Variants in RUFY4 observed in about 807,000 individuals in gnomAD.
The protein encoded by RUFY4 is RUN and FYVE domain containing 4.
In RUFY4, 73 loss-of-function variants were observed where a neutral mutation model predicts 69.0. The ratio of observed to expected loss-of-function variants is 1.06; its 90% confidence interval spans 0.88 to 1.29. The LOEUF is 1.29. RUFY4 is among the 50% of genes most tolerant of loss of function. RUFY4 has a pLI of 0.00. For missense variants in RUFY4, 770 were observed against 705.6 expected, an observed-to-expected ratio of 1.09 and a Z score of -1.03; for synonymous variants, 287 against 271.8, an observed-to-expected ratio of 1.06 and a Z score of -0.55.
chr2:218,052,199 CT>C (rs1486978547), intron 2 of RUFY4, among the ~76,000 whole-genome samples: 2 of 152,074 alleles, frequency 1.3e-5, no homozygotes, highest in Non-Finnish European at 2.9e-5. Context: ...GTAGCTTTTT[CT>C]TTTTTTATTT....
exon 1 of RUFY4, chr2:218,070,610 C>A: frequency 1.3e-6 from 2 of 1,537,534 alleles, no homozygotes; most frequent in Non-Finnish European, 1.7e-6. Context: ...GTACCCATGG[C>A]AGAAGAGGGA....
At chr2:218,043,232 A>G (rs528867936) in intron 2 of RUFY4, among the ~76,000 whole-genome samples, 1 of 152,080 alleles carries the variant, frequency 6.6e-6, no homozygotes, top group Non-Finnish European at 1.5e-5. Context: ...GTGAGTGTTC[A>G]GCTCTCAGGA....
At chr2:218,063,351 A>G (rs1559427769) in intron 3 of RUFY4, among the ~76,000 whole-genome samples, 1 of 152,200 alleles carries the variant, frequency 6.6e-6, no homozygotes, top group Non-Finnish European at 1.5e-5. Flanking sequence ...CAGGCTGGGC[A>G]CAGTCAGAAA....
intron 6 of RUFY4, among the ~76,000 whole-genome samples, chr2:218,074,584 A>G (rs989096156): frequency 1.3e-5 from 2 of 152,232 alleles, no homozygotes; most frequent in Admixed American, 1.3e-4. Context: ...GCATTGCAAT[A>G]TACAATTTCA....
intron 2 of RUFY4, among the ~76,000 whole-genome samples, chr2:218,054,645 T>A (rs1400667669): frequency 1.3e-5 from 2 of 151,540 alleles, no homozygotes; most frequent in African/African-American, 4.9e-5. Context: ...AAACTGCTAA[T>A]CAAAATCAAG....
chr2:218,081,638 T>C (rs1336684103), intron 8 of RUFY4, among the ~76,000 whole-genome samples: 1 of 152,152 alleles, frequency 6.6e-6, no homozygotes, highest in Non-Finnish European at 1.5e-5. Context: ...GGTGATCACA[T>C]TAAGGGCCCA....
At chr2:218,077,186 G>A (rs982043210) in intron 8 of RUFY4, among the ~76,000 whole-genome samples, 1 of 152,160 alleles carries the variant, frequency 6.6e-6, no homozygotes, top group Non-Finnish European at 1.5e-5. Context: ...GAACCAGTGG[G>A]CTCAGACGCC....
At chr2:218,072,646 C>T (rs1689516395) in intron 3 of RUFY4, 133 bp from the exon 6 acceptor site, 3 of 1,326,316 alleles carry the variant, frequency 2.3e-6, no homozygotes, top group Non-Finnish European at 3.0e-6. Context: ...CTCCAGACAC[C>T]CTTTTCCTCC....
chr2:218,082,716 T>C (rs1437765152), intron 8 of RUFY4, among the ~76,000 whole-genome samples: 3 of 150,964 alleles, frequency 2.0e-5, no homozygotes, highest in Admixed American at 6.6e-5. Flanking sequence ...TTATATGTTG[T>C]GTTGTTTGTG....
intron 8 of RUFY4, among the ~76,000 whole-genome samples, chr2:218,077,239 G>A (rs561574122): frequency 6.6e-5 from 8 of 121,458 alleles, no homozygotes; most frequent in South Asian, 2.5e-4. Flanking sequence ...CAGTCTCTCC[G>A]TTTCTCCTGC....
At chr2:218,075,986 T>C (rs1304702772) in intron 7 of RUFY4, among the ~76,000 whole-genome samples, 3 of 152,166 alleles carry the variant, frequency 2.0e-5, no homozygotes, top group Admixed American at 6.5e-5. Flanking sequence ...CCAGCCCCAG[T>C]AGGCTTTGGA....
Position 218,089,989 on chromosome 2 carries a change from G to T in RUFY4, c.1651G>T (p.Asp551Tyr), listed in dbSNP as rs553489546. The T allele has an allele frequency of 5.1e-6, 8 of 1,569,286 alleles. No homozygotes were observed. The Admixed American group carries it at 7.5e-5, about 15-fold the overall frequency. The change falls in exon 11 of 11, where the codon GAT becomes TAT. Residue 551 changes from aspartate (D) to tyrosine (Y), a missense_variant. Transcript: ENST00000344321. ...CCTGCTCTGCCATGCTTGCTCCATGGATTACAAGAAGAGAGACCGCTGCTG... is the reference window on the plus strand; with the variant it reads ...CCTGCTCTGCCATGCTTGCTCCATGTATTACAAGAAGAGAGACCGCTGCTG...
chr2:218,037,406 A>T (rs986087484), intron 2 of RUFY4, among the ~76,000 whole-genome samples: 2 of 152,198 alleles, frequency 1.3e-5, no homozygotes, highest in African/African-American at 4.8e-5. Flanking sequence ...TCCGAAACAT[A>T]ATTTTTCTCT....
chr2:218,074,467 A>G (rs1462856436), intron 6 of RUFY4, among the ~76,000 whole-genome samples: 1 of 152,036 alleles, frequency 6.6e-6, no homozygotes, highest in African/African-American at 2.4e-5. Flanking sequence ...TCATCCCCCA[A>G]GCACATTTTG....
At chr2:218,040,621 C>T (rs947395924) in intron 2 of RUFY4, among the ~76,000 whole-genome samples, 1 of 152,158 alleles carries the variant, frequency 6.6e-6, no homozygotes, top group East Asian at 1.9e-4. Flanking sequence ...GAGGCCACAG[C>T]CTCTTCCTCC....
chr2:218,039,234 A>C, intron 2 of RUFY4, among the ~76,000 whole-genome samples: 1 of 152,182 alleles, frequency 6.6e-6, no homozygotes, highest in East Asian at 1.9e-4. Context: ...GTGGCATGAT[A>C]AATTTGACAT....
intron 8 of RUFY4, among the ~76,000 whole-genome samples, chr2:218,078,876 T>G (rs1391451573): frequency 6.6e-6 from 1 of 152,116 alleles, no homozygotes; most frequent in Admixed American, 6.5e-5. Context: ...TTGTTTTGTT[T>G]TTGTTTTTGA....
chr2:218,065,516 G>A (rs966264365), upstream of RUFY4: 7 of 152,408 alleles, frequency 4.6e-5, no homozygotes, highest in Non-Finnish European at 7.3e-5. Context: ...CACCTTTCCT[G>A]TAGAGGAGCC....
At chr2:218,058,696 C>G (rs1689117722) in intron 3 of RUFY4, 1 of 152,140 alleles carries the variant, frequency 6.6e-6, no homozygotes, top group Non-Finnish European at 1.5e-5. Context: ...GTGCAAGGTG[C>G]CAGACACCAC....
Sources: gnomAD v4.1 joint callset for allele counts (sites outside exome capture counted in the v4.1 genomes callset) on GRCh38, gnomAD v4.1.1 for gene constraint, MANE v1.5 for transcripts, NCBI Gene and HGNC (gene_info 2026-07-23, HGNC 2026-07-21) for gene names.